Variants in SMARCD1 observed in about 807,000 individuals in gnomAD.
The protein encoded by SMARCD1 is SWI/SNF related BAF chromatin remodeling complex subunit D1.
A neutral mutation model predicts 70.8 loss-of-function variants in SMARCD1; 16 were observed. The ratio of observed to expected loss-of-function variants is 0.23; its 90% CI spans 0.15 to 0.34. The LOEUF (loss-of-function observed/expected upper bound fraction) is 0.34. SMARCD1 is among the 10% of genes least tolerant of loss of function. The probability of loss-of-function intolerance (pLI) is 1.00; values close to 1 mark genes in which losing one functional copy is unlikely to be tolerated. For synonymous variants in SMARCD1, 249 were observed against 246.0 expected, an observed-to-expected ratio of 1.01 and a Z score of -0.11; for missense variants, 409 against 655.5, an observed-to-expected ratio of 0.62 and a Z score of 4.11.
At position 50,094,477 on chromosome 12, in the gene SMARCD1, A is replaced by G. The variant is rs1268404251; in HGVS notation, c.1174A>G (p.Ile392Val). ...TCAGAAAAAGACAGCTTGTTATGAC[A>G]TTGATGTTGAAGTGGATGACACCTT... ...NDQKKTACYD[I>V]DVEVDDTLKT... The change falls in exon 10 of 13, where the codon ATT (isoleucine) becomes GTT (valine). Residue 392 changes from isoleucine to valine, a missense_variant. Around this residue, in one of 2 missense-constraint regions of SMARCD1, gnomAD observed 269 missense variants for 498.6 expected, o/e 0.54. Coordinates refer to ENST00000394963, the MANE Select transcript of SMARCD1 (RefSeq NM_003076.5). The G allele has an allele frequency of 1.9e-6, 3 of 1,614,084 alleles. No homozygotes were observed. The highest frequency in any genetic ancestry group is 2.2e-5 in the South Asian group (2 of 91,080).
At chr12:50,098,859 G>A (rs1361639066) in intron 12 of SMARCD1, 44 bp downstream of exon 12, 2 of 1,603,838 alleles carry the variant, frequency 1.2e-6, no homozygotes, top group South Asian at 1.1e-5. Flanking sequence ...AAAGGCACGG[G>A]GTTTTCACCC....
At position 50,086,277 on chromosome 12, in the gene SMARCD1, G is replaced by T; in HGVS notation, c.294G>T (p.Gln98His). 1.2e-6 allele frequency: 2 copies of T among 1,613,760 alleles called. No individual in the cohort carries two copies. Among genetic ancestry groups the T allele is most frequent in the Non-Finnish European group, 1.7e-6 (2 of 1,179,784 alleles). Residue 98 changes from glutamine to histidine, a missense_variant, in exon 2 of 13, where the codon CAG (glutamine) becomes CAT (histidine). By Grantham distance (24) the Gln-to-His change is conservative. This residue lies in a region of SMARCD1 where 140 missense variants were observed against 156.9 expected (regional missense o/e 0.89). Transcript: ENST00000394963. ...GCCTGGCCCAGTCAGGGATGGATCAGTCCCGCAAGAGACCTGCCCCTCAGC... is the reference window on the plus strand; with the variant it reads ...GCCTGGCCCAGTCAGGGATGGATCATTCCCGCAAGAGACCTGCCCCTCAGC... ...RPGLAQSGMDQSRKRPAPQQI... is the reference protein window; with the variant it reads ...RPGLAQSGMDHSRKRPAPQQI...
chr12:50,096,396 C>T (rs146298588), intron 10 of SMARCD1, among the ~76,000 whole-genome samples: 2 of 152,218 alleles, frequency 1.3e-5, no homozygotes, highest in East Asian at 1.9e-4. Context: ...AGACTGGGGA[C>T]TCATTACCCT....
At chr12:50,090,735 T>G in intron 9 of SMARCD1, 145 bp downstream of exon 9, 1 of 553,918 alleles carries the variant, frequency 1.8e-6, no homozygotes, top group East Asian at 2.9e-5. Flanking sequence ...TTACATAAAC[T>G]TATAATTAAA....
At position 50,099,169 on chromosome 12, in the gene SMARCD1, C is replaced by T; in HGVS notation, c.*169C>T. The T allele has an allele frequency of 6.2e-6, 4 of 647,960 alleles. No individual in the cohort carries two copies. The highest frequency in any genetic ancestry group is 2.7e-5 in the East Asian group (1 of 36,856). 40.1% of individuals were successfully genotyped at this position (647,960 alleles called of 1,614,324 possible). The stretch of plus-strand genomic sequence containing the variant: ...CTCACAAGACACCTGTTATCCTCTT[C>T]TTTCACCCTATCTCTTCCCACCCCC... On this transcript the variant is annotated 3_prime_UTR_variant, in exon 13 of 13. Coordinates refer to ENST00000394963, the MANE Select transcript of SMARCD1 (RefSeq NM_003076.5).
Position 50,086,300 on chromosome 12 carries a change from A to G in SMARCD1, c.317A>G (p.Gln106Arg). The change falls in exon 2 of 13, where the codon CAG becomes CGG. Residue 106 changes from glutamine to arginine, a missense_variant. By Grantham distance (43) the Gln-to-Arg change is conservative. This residue lies in a region of SMARCD1 where 140 missense variants were observed against 156.9 expected (regional missense o/e 0.89). Transcript: ENST00000394963. ...CAGTCCCGCAAGAGACCTGCCCCTC[A>G]GCAGATCCAGCAGGTCCAGCAGCAG... ...MDQSRKRPAP[Q>R]QIQQVQQQAV... 1.2e-6 allele frequency: 2 copies of G among 1,601,200 alleles called. No individual in the cohort carries two copies. The highest frequency in any genetic ancestry group is 1.7e-6 in the Non-Finnish European group (2 of 1,173,068).
chr12:50,090,155 T>A, intron 7 of SMARCD1, 86 bp from the exon 8 acceptor site: 1 of 1,426,616 alleles, frequency 7.0e-7, no homozygotes, highest in Non-Finnish European at 9.6e-7. Context: ...GAAAAAGCAC[T>A]ACATTATTTG....
At position 50,092,915 on chromosome 12, in the gene SMARCD1, C is replaced by T. The variant is rs542317793; in HGVS notation, c.1134-1522C>T. Among the ~76,000 whole-genome samples the T allele has an allele frequency of 2.5e-4, 38 of 152,036 alleles. No homozygotes were observed. In the South Asian group the frequency reaches 4.0e-3, roughly 16 times the overall value. ...TTGTTTGGCTGGGCGCAGTGGCTCA[C>T]GTCTGTAATCCCAGCACTTTGGGAG... On this transcript the variant is annotated intron_variant, in intron 9 of 12. Coordinates refer to ENST00000394963, the MANE Select transcript of SMARCD1 (RefSeq NM_003076.5).
At position 50,098,559 on chromosome 12, in the gene SMARCD1, C is replaced by T. The variant is rs556622615; in HGVS notation, c.1393-155C>T. On this transcript the variant is annotated intron_variant, in intron 11 of 12. Transcript: ENST00000394963. ...CTTAACTTGAGCATCTGTAGAGACC[C>T]TATTTCCAAATAAGGTCACATTCAC... 57 of 628,108 alleles carry T rather than the reference C, an allele frequency of 9.1e-5. No individual in the cohort carries two copies. In the African/African-American group the frequency reaches 1.0e-3, roughly 11 times the overall value. 38.9% of individuals were successfully genotyped at this position (628,108 alleles called of 1,614,324 possible). A position where few individuals can be genotyped will look rare whatever the true frequency, so the allele number is the denominator to read the frequency against.
chr12:50,097,027 CTT>C, intron 11 of SMARCD1, 55 bp downstream of exon 11: 2 of 1,512,528 alleles, frequency 1.3e-6, no homozygotes, highest in Non-Finnish European at 1.8e-6. Flanking sequence ...TGCACAGCTG[CTT>C]TATTCATGTA....
In SMARCD1 at chr12:50,098,770, C is replaced by T. The variant is rs1027011976; in HGVS notation, c.1449C>T (p.Phe483=). ...AGGAGCGCCGAGCTGAGTTCTACTT[C>T]CAGCCCTGGGCTCAGGAGGCTGTGT... ...PEEERRAEFY[F]QPWAQEAVCR... The change falls in exon 12 of 13, where the codon TTC becomes TTT. Residue 483 remains phenylalanine (F), a synonymous_variant. Transcript: ENST00000394963. 3 of 1,614,036 alleles carry T rather than the reference C, an allele frequency of 1.9e-6. No individual in the cohort carries two copies. Among genetic ancestry groups the T allele is most frequent in the African/African-American group, 2.7e-5 (2 of 74,926 alleles).
At chr12:50,086,376 G>T in intron 2 of SMARCD1, 28 bp downstream of exon 2, 2 of 1,096,210 alleles carry the variant, frequency 1.8e-6, no homozygotes, top group Non-Finnish European at 2.7e-6. Flanking sequence ...CAGAGGGAGG[G>T]AGGGAGGGAG....
chr12:50,088,739 C>T, intron 6 of SMARCD1, 102 bp downstream of exon 6: 1 of 643,770 alleles, frequency 1.6e-6, no homozygotes, highest in South Asian at 1.9e-5. Flanking sequence ...AAAGTAGTCA[C>T]TCTAGGTGTA....
At chr12:50,094,837 G>A (rs914572612) in intron 10 of SMARCD1, among the ~76,000 whole-genome samples, 6 of 151,938 alleles carry the variant, frequency 3.9e-5, no homozygotes, top group South Asian at 4.2e-4. Flanking sequence ...TCGCTCTCTC[G>A]CCCAGGCTGG....
In SMARCD1 at chr12:50,100,543, A is replaced by G. The variant is rs1418542063; in HGVS notation, c.*1543A>G. The G allele has an allele frequency of 6.6e-6, 1 of 152,520 alleles. No individual in the cohort carries two copies. Among genetic ancestry groups the G allele is most frequent in the Non-Finnish European group, 1.5e-5 (1 of 68,020 alleles). 9.4% of individuals were successfully genotyped at this position (152,520 alleles called of 1,614,324 possible). On this transcript the variant is annotated 3_prime_UTR_variant, in exon 13 of 13. Coordinates refer to ENST00000394963, the MANE Select transcript of SMARCD1 (RefSeq NM_003076.5). ...ACTTCCCACAGTGTCCCTGTTGATA[A>G]CTGTTTTTATTAACTGAATTGTTTT...
At chr12:50,086,430 G>T (rs1315787164) in intron 2 of SMARCD1, 82 bp downstream of exon 2, 2 of 1,325,806 alleles carry the variant, frequency 1.5e-6, no homozygotes, top group Non-Finnish European at 2.1e-6. Flanking sequence ...CCAAGAAGTG[G>T]TGGTGCTGTG....
chr12:50,088,478 C>A (rs1950812207), intron 5 of SMARCD1, 43 bp from the exon 6 acceptor site: 1 of 1,127,846 alleles, frequency 8.9e-7, no homozygotes, highest in Admixed American at 2.2e-5. Flanking sequence ...TGGGAAGTTT[C>A]TTCTGGCCTT....
chr12:50,098,725 TGTG>T lies in SMARCD1; in HGVS notation c.1409_1411del (p.Val470del), dbSNP rs750953336. ...TCCATTTCCCTCAGACAATGACTGA[TGTG>T]GTGGGTAACCCAGAGGAGGAGCGCC... On this transcript the variant is annotated inframe_deletion, in exon 12 of 13. Coordinates refer to ENST00000394963, the MANE Select transcript of SMARCD1 (RefSeq NM_003076.5). The T allele has an allele frequency of 3.7e-6, 6 of 1,613,560 alleles. No homozygotes were observed. The highest frequency in any genetic ancestry group is 4.2e-6 in the Non-Finnish European group (5 of 1,179,486).
intron 10 of SMARCD1, 93 bp downstream of exon 10, chr12:50,094,665 G>A: frequency 8.2e-7 from 1 of 1,219,892 alleles, no homozygotes; most frequent in African/African-American, 1.5e-5. Flanking sequence ...TCAAAATACG[G>A]TGACACCCAG....
Sources: allele counts gnomAD v4.1 joint callset (sites outside exome capture counted in the v4.1 genomes callset), GRCh38; gene constraint gnomAD v4.1.1; regional missense constraint gnomAD v4.1.1; transcripts MANE v1.5; gene names NCBI Gene and HGNC (gene_info 2026-07-23, HGNC 2026-07-21).